IQCM: variants seen among roughly 807,000 people sequenced by gnomAD.
IQCM encodes IQ motif containing M.
A neutral mutation model predicts 57.6 loss-of-function variants in IQCM; 45 were observed. The ratio of observed to expected loss-of-function variants is 0.78; its 90% CI spans 0.62 to 1.00. IQCM has a LOEUF of 1.00. Among genes scored for constraint, IQCM ranks in the 50% least tolerant of loss-of-function variants. IQCM has a pLI of 0.00. For synonymous variants in IQCM, 148 were observed against 158.9 expected, an observed-to-expected ratio of 0.93 and a Z score of 0.51; for missense variants, 468 against 511.6, an observed-to-expected ratio of 0.91 and a Z score of 0.82.
At chr4:149,359,039 T>C (rs1578784631) in intron 13 of IQCM, among the ~76,000 whole-genome samples, 2 of 151,990 alleles carry the variant, frequency 1.3e-5, no homozygotes, top group African/African-American at 4.8e-5. Context: ...TCAAGGAAAT[T>C]TCCCTGTTTC....
chr4:149,446,657 T>C (rs1024733130), intron 12 of IQCM, among the ~76,000 whole-genome samples: 3 of 151,596 alleles, frequency 2.0e-5, no homozygotes, highest in African/African-American at 7.3e-5. Flanking sequence ...TAGATACTTA[T>C]TTCAGGTTAA....
intron 10 of IQCM, among the ~76,000 whole-genome samples, chr4:149,556,946 T>A (rs1749644002): frequency 6.6e-6 from 1 of 152,226 alleles, no homozygotes; most frequent in African/African-American, 2.4e-5. Flanking sequence ...TATGCCTCAA[T>A]CACTCTATGT....
intron 5 of IQCM, among the ~76,000 whole-genome samples, chr4:149,698,289 G>A (rs11099739): frequency 0.025 from 3,873 of 152,034 alleles, 122 homozygotes; most frequent in South Asian, 0.14. Context: ...TCATAATCCC[G>A]TAATAGCAAA....
intron 5 of IQCM, among the ~76,000 whole-genome samples, chr4:149,713,504 A>C (rs1011622605): frequency 2.6e-5 from 4 of 152,186 alleles, no homozygotes; most frequent in Non-Finnish European, 4.4e-5. Context: ...AGTGGACATT[A>C]CTGTTATCCA....
intron 13 of IQCM, among the ~76,000 whole-genome samples, chr4:149,354,364 A>AG (rs1728789916): frequency 1.6e-5 from 1 of 63,638 alleles, no homozygotes; most frequent in Non-Finnish European, 3.3e-5. Context: ...ACTCCGTCTC[A>AG]AAAAAAAAAA....
intron 7 of IQCM, among the ~76,000 whole-genome samples, chr4:149,662,032 T>C (rs1431115193): frequency 6.6e-6 from 1 of 151,972 alleles, no homozygotes; most frequent in Non-Finnish European, 1.5e-5. Flanking sequence ...TGCATTATCA[T>C]GTTGTTTATT....
In IQCM at chr4:149,763,802, G is replaced by T. The variant is rs77283215; in HGVS notation, c.-48-21063C>A. Among the ~76,000 whole-genome samples the T allele has an allele frequency of 7.2e-4, 110 of 151,938 alleles. 2 individuals are homozygous for T. The East Asian group carries it at 0.019, about 26-fold the overall frequency. ...TGCTGCTTTTCACTATGAAATGAATGAAGAGAAAGTCCTGCAAAAAGATGC... is the reference window on the plus strand; with the variant it reads ...TGCTGCTTTTCACTATGAAATGAATTAAGAGAAAGTCCTGCAAAAAGATGC... On this transcript the variant is annotated intron_variant, in intron 2 of 13. Transcript: ENST00000636793.
intron 12 of IQCM, among the ~76,000 whole-genome samples, chr4:149,477,797 G>T (rs1740355590): frequency 6.6e-6 from 1 of 152,094 alleles, no homozygotes; most frequent in Non-Finnish European, 1.5e-5. Context: ...TATCAGAGAT[G>T]ACAAAAAATG....
chr4:149,797,524 A>G (rs1460111100), intron 2 of IQCM, among the ~76,000 whole-genome samples: 1 of 152,070 alleles, frequency 6.6e-6, no homozygotes, highest in Non-Finnish European at 1.5e-5. Context: ...TAATAAGAGA[A>G]TAATAGGATA....
intron 13 of IQCM, among the ~76,000 whole-genome samples, chr4:149,370,967 T>C (rs59501220): frequency 0.28 from 43,031 of 151,994 alleles, 6,244 homozygotes; most frequent in Middle Eastern, 0.33. Flanking sequence ...CCTGCCTTCT[T>C]ACCCTTCCCT....
chr4:149,368,043 G>C (rs1337696989), intron 13 of IQCM, among the ~76,000 whole-genome samples: 1 of 151,792 alleles, frequency 6.6e-6, no homozygotes, highest in Non-Finnish European at 1.5e-5. Context: ...CTTCTAAAGT[G>C]CAATTCCCCT....
chr4:149,719,885 A>G (rs1436440345), intron 5 of IQCM, among the ~76,000 whole-genome samples: 1 of 152,220 alleles, frequency 6.6e-6, no homozygotes, highest in Non-Finnish European at 1.5e-5. Context: ...TCAGACTGAA[A>G]TCTTGTTACC....
chr4:149,437,131 C>T (rs190510485), intron 12 of IQCM, among the ~76,000 whole-genome samples: 1 of 152,248 alleles, frequency 6.6e-6, no homozygotes, highest in African/African-American at 2.4e-5. Context: ...TTCTTTTAAA[C>T]CACAATGCAT....
In IQCM at chr4:149,739,769, A is replaced by AAT. The variant is rs147906697; in HGVS notation, c.37+2884_37+2885dup. 8.9e-3 allele frequency among the ~76,000 whole-genome samples: 1,360 copies of AAT among 152,306 alleles called. 9 individuals are homozygous for AAT. Among genetic ancestry groups the AAT allele is most frequent in the African/African-American group, 0.03 (1,260 of 41,570 alleles). On this transcript the variant is annotated intron_variant, in intron 3 of 13. Coordinates refer to ENST00000636793, the MANE Select transcript of IQCM (RefSeq NM_001363507.2). ...ATACTAACATTCCTATAGGAAAAAA[A>AAT]ATATGAGTAGCTCTAATCCCAAATA...
At chr4:149,412,093 TG>T (rs1365146461) in intron 13 of IQCM, among the ~76,000 whole-genome samples, 2 of 151,520 alleles carry the variant, frequency 1.3e-5, no homozygotes, top group Non-Finnish European at 1.5e-5. Context: ...TGTGTGTGTG[TG>T]TAAAATTCTT....
intron 13 of IQCM, among the ~76,000 whole-genome samples, chr4:149,397,163 CA>C (rs1424360564): frequency 1.3e-5 from 2 of 151,730 alleles, no homozygotes; most frequent in Non-Finnish European, 2.9e-5. Context: ...TTTCCACCAA[CA>C]ATGTGCAAGT....
rs374848405 is a variant in IQCM at position 149,700,315 on chromosome 4, G to A, written c.386-13847C>T. ...CTATCTTTAGTCCATCAATTAATCC[G>A]GCCCCTTGTAATTGTTCTCCAAGCT... is the stretch of plus-strand genomic sequence containing the variant. On this transcript the variant is annotated intron_variant, in intron 5 of 13. Coordinates refer to ENST00000636793, the MANE Select transcript of IQCM (RefSeq NM_001363507.2). Among the ~76,000 whole-genome samples the A allele has an allele frequency of 2.8e-4, 43 of 151,924 alleles. No individual in the cohort carries two copies. In the Middle Eastern group the frequency reaches 0.01, roughly 36 times the overall value.
intron 2 of IQCM, among the ~76,000 whole-genome samples, chr4:149,751,781 A>T (rs1768470187): frequency 6.6e-6 from 1 of 152,140 alleles, no homozygotes; most frequent in African/African-American, 2.4e-5. Flanking sequence ...ATGATATGTA[A>T]AACCAAGAGA....
At chr4:149,457,617 G>C (rs1446869978) in intron 12 of IQCM, among the ~76,000 whole-genome samples, 1 of 151,978 alleles carries the variant, frequency 6.6e-6, no homozygotes, top group Admixed American at 6.6e-5. Context: ...AGACTTATCA[G>C]AGGTTGGTTA....
Sources: allele counts gnomAD v4.1 joint callset (sites outside exome capture counted in the v4.1 genomes callset), GRCh38; gene constraint gnomAD v4.1.1; transcripts MANE v1.5; gene names NCBI Gene and HGNC (gene_info 2026-07-23, HGNC 2026-07-21).